The following GFRAL variants were observed in gnomAD, a reference collection of about 807,000 sequenced individuals.
GFRAL encodes GDNF family receptor alpha-like.
GFRAL carries 36 observed loss-of-function variants against 45.4 expected under a neutral mutation model. That is an observed-to-expected ratio of 0.79 (90% CI 0.61 to 1.05). The LOEUF (loss-of-function observed/expected upper bound fraction) is 1.05. GFRAL is among the 50% of genes least tolerant of loss of function. The probability of loss-of-function intolerance (pLI) is 0.00; values close to 1 mark genes in which losing one functional copy is unlikely to be tolerated. For missense variants in GFRAL, 507 were observed against 467.5 expected, an observed-to-expected ratio of 1.08 and a Z score of -0.78; for synonymous variants, 166 against 154.1, an observed-to-expected ratio of 1.08 and a Z score of -0.57.
chr6:55,393,839 G>T (rs921723912), intron 6 of GFRAL, among the ~76,000 whole-genome samples: 13 of 151,948 alleles, frequency 8.6e-5, no homozygotes, highest in Admixed American at 2.6e-4. Flanking sequence ...TTGAAGTAGG[G>T]GAAATTAATG....
At chr6:55,338,774 G>C (rs1470822482) in intron 3 of GFRAL, among the ~76,000 whole-genome samples, 1 of 152,192 alleles carries the variant, frequency 6.6e-6, no homozygotes, top group Non-Finnish European at 1.5e-5. Context: ...CCCTTGTTAA[G>C]CTGGATACTA....
At chr6:55,339,536 A>G (rs1562048870) in intron 3 of GFRAL, among the ~76,000 whole-genome samples, 1 of 152,170 alleles carries the variant, frequency 6.6e-6, no homozygotes, top group Non-Finnish European at 1.5e-5. Flanking sequence ...TTTCAGAAGA[A>G]TTTTATGACC....
chr6:55,332,750 A>G (rs995031527), intron 2 of GFRAL, among the ~76,000 whole-genome samples: 4 of 152,132 alleles, frequency 2.6e-5, no homozygotes, highest in Admixed American at 1.3e-4. Flanking sequence ...AAAAATATAT[A>G]TATTTTGAAT....
chr6:55,346,282 G>C, intron 3 of GFRAL, among the ~76,000 whole-genome samples: 1 of 152,050 alleles, frequency 6.6e-6, no homozygotes, highest in African/African-American at 2.4e-5. Context: ...CAAAGACTTG[G>C]AACCAACCCA....
At chr6:55,399,106 A>T in intron 6 of GFRAL, 74 bp from the exon 7 acceptor site, 1 of 731,338 alleles carries the variant, frequency 1.4e-6, no homozygotes. Context: ...TTAAAAGATA[A>T]AGCAAATTGT....
intron 6 of GFRAL, among the ~76,000 whole-genome samples, chr6:55,383,868 A>T (rs1768646019): frequency 1.3e-5 from 2 of 152,068 alleles, no homozygotes; most frequent in African/African-American, 4.8e-5. Flanking sequence ...ACACTGGCTT[A>T]GAGTACTCAT....
chr6:55,364,430 C>T (rs1486064501), intron 6 of GFRAL, among the ~76,000 whole-genome samples: 3 of 145,524 alleles, frequency 2.1e-5, no homozygotes, highest in Admixed American at 6.8e-5. Flanking sequence ...TGTGCAGAAG[C>T]TCTTTAGTTT....
intron 6 of GFRAL, among the ~76,000 whole-genome samples, chr6:55,395,620 T>C (rs1030362098): frequency 6.6e-6 from 1 of 152,028 alleles, no homozygotes; most frequent in East Asian, 1.9e-4. Flanking sequence ...GTTAAATCCC[T>C]GTTTCAAATT....
intron 3 of GFRAL, among the ~76,000 whole-genome samples, chr6:55,348,606 G>A (rs1025425126): frequency 6.6e-6 from 1 of 151,918 alleles, no homozygotes; most frequent in Non-Finnish European, 1.5e-5. Context: ...TTTTCCCTGC[G>A]TTCTCAGGAC....
chr6:55,366,218 T>A (rs1036657487), intron 6 of GFRAL, among the ~76,000 whole-genome samples: 1 of 151,960 alleles, frequency 6.6e-6, no homozygotes, highest in African/African-American at 2.4e-5. Context: ...ATTTTCTAGT[T>A]TATTTGTGTA....
chr6:55,363,345 T>C (rs894088845), intron 6 of GFRAL, among the ~76,000 whole-genome samples: 4 of 152,048 alleles, frequency 2.6e-5, no homozygotes, highest in Admixed American at 2.0e-4. Context: ...GCAATCAAAC[T>C]ATACTTATTG....
rs1342997826 is a variant in GFRAL at position 55,367,212 on chromosome 6, T to G, written c.952+8074T>G. Among the ~76,000 whole-genome samples, 3 of 126,192 alleles carry G rather than the reference T, an allele frequency of 2.4e-5. 1 individual carries two copies. The highest frequency in any genetic ancestry group is 4.9e-5 in the Non-Finnish European group (3 of 60,678). The allele number at this position is 126,192 out of a possible 152,430, so 82.8% of individuals were successfully genotyped here. A position where few individuals can be genotyped will look rare whatever the true frequency, so the allele number is the denominator to read the frequency against. ...ATTATGTAATGGCCTTCTTTCTCTC[T>G]TTTGATCTTTGTTGGTTTAAAGTCT... On this transcript the variant is annotated intron_variant, in intron 6 of 8. Coordinates refer to ENST00000340465, the MANE Select transcript of GFRAL (RefSeq NM_207410.2).
chr6:55,336,287 T>C (rs569283781), intron 3 of GFRAL, among the ~76,000 whole-genome samples: 3 of 152,326 alleles, frequency 2.0e-5, no homozygotes, highest in South Asian at 4.1e-4. Flanking sequence ...AGCTTGTCAA[T>C]GTCTGCAAAG....
chr6:55,349,293 A>G (rs1768084772), intron 3 of GFRAL, among the ~76,000 whole-genome samples: 1 of 152,128 alleles, frequency 6.6e-6, no homozygotes, highest in South Asian at 2.1e-4. Flanking sequence ...ATAATCATGA[A>G]GGGACATTTA....
intron 3 of GFRAL, among the ~76,000 whole-genome samples, chr6:55,341,701 G>A (rs1017200928): frequency 1.3e-5 from 2 of 152,118 alleles, no homozygotes; most frequent in Admixed American, 6.5e-5. Context: ...CAGAGAATAA[G>A]GTTTCAGATG....
intron 6 of GFRAL, among the ~76,000 whole-genome samples, chr6:55,372,493 C>T (rs990956155): frequency 6.6e-6 from 1 of 152,196 alleles, no homozygotes; most frequent in African/African-American, 2.4e-5. Flanking sequence ...TAAGTCCAAT[C>T]AGCATTAACA....
intron 6 of GFRAL, among the ~76,000 whole-genome samples, chr6:55,374,995 T>C (rs1455109303): frequency 6.6e-6 from 1 of 152,168 alleles, no homozygotes; most frequent in Non-Finnish European, 1.5e-5. Context: ...TATGTTCTTA[T>C]ACCAGTATCA....
intron 6 of GFRAL, among the ~76,000 whole-genome samples, chr6:55,368,906 C>T (rs1440195716): frequency 6.6e-6 from 1 of 152,070 alleles, no homozygotes; most frequent in Non-Finnish European, 1.5e-5. Flanking sequence ...TTTGTCTGTG[C>T]CCTGACCCCG....
At chr6:55,398,475 AT>A (rs1448585989) in intron 6 of GFRAL, among the ~76,000 whole-genome samples, 6 of 152,230 alleles carry the variant, frequency 3.9e-5, no homozygotes, top group Admixed American at 3.9e-4. Context: ...ATTGATAAAA[AT>A]CACCTAAAAG....
Sources: allele counts gnomAD v4.1 joint callset (sites outside exome capture counted in the v4.1 genomes callset), GRCh38; gene constraint gnomAD v4.1.1; transcripts MANE v1.5; gene names NCBI Gene and HGNC (gene_info 2026-07-23, HGNC 2026-07-21).